The following GRID2 variants were observed in gnomAD, a reference collection of about 807,000 sequenced individuals.
GRID2 encodes the protein glutamate ionotropic receptor delta type subunit 2, also known as glutamate receptor ionotropic, delta-2.
GRID2 carries 33 observed loss-of-function variants against 114.8 expected under a neutral mutation model. That is an observed-to-expected ratio of 0.29 (90% CI 0.22 to 0.38). The LOEUF (loss-of-function observed/expected upper bound fraction) is 0.38. GRID2 is among the 10% of genes least tolerant of loss of function. GRID2 has a pLI of 1.00. For synonymous variants in GRID2, 505 were observed against 449.9 expected, an observed-to-expected ratio of 1.12 and a Z score of -1.55; for missense variants, 1,184 against 1,257.7, an observed-to-expected ratio of 0.94 and a Z score of 0.89.
intron 2 of GRID2, among the ~76,000 whole-genome samples, chr4:92,952,472 G>T (rs1287794201): frequency 6.6e-6 from 1 of 152,102 alleles, no homozygotes; most frequent in East Asian, 1.9e-4. Flanking sequence ...AACTCAGATT[G>T]TTTTTGCAGA....
At chr4:92,761,195 T>A (rs1433086150) in intron 2 of GRID2, among the ~76,000 whole-genome samples, 1 of 152,020 alleles carries the variant, frequency 6.6e-6, no homozygotes, top group Non-Finnish European at 1.5e-5. Context: ...AAAAAAAAAA[T>A]CACATTATTC....
At chr4:92,871,126 A>G (rs1450113773) in intron 2 of GRID2, among the ~76,000 whole-genome samples, 2 of 152,206 alleles carry the variant, frequency 1.3e-5, no homozygotes, top group South Asian at 2.1e-4. Flanking sequence ...ATATACAGAT[A>G]GATAGAAACA....
At chr4:92,862,749 A>G (rs780531928) in intron 2 of GRID2, among the ~76,000 whole-genome samples, 2 of 152,088 alleles carry the variant, frequency 1.3e-5, no homozygotes, top group African/African-American at 4.8e-5. Flanking sequence ...TACATTTTTT[A>G]TAACTAAATG....
At chr4:92,608,767 T>C (rs1201268736) in intron 2 of GRID2, among the ~76,000 whole-genome samples, 1 of 151,828 alleles carries the variant, frequency 6.6e-6, no homozygotes. Flanking sequence ...TGTTTTAACA[T>C]AAGTATTTTT....
chr4:92,348,966 C>T (rs1415173472), intron 1 of GRID2, among the ~76,000 whole-genome samples: 3 of 151,312 alleles, frequency 2.0e-5, no homozygotes, highest in Non-Finnish European at 2.9e-5. Context: ...GAAAATGCAA[C>T]ATGTATTAAT....
intron 8 of GRID2, among the ~76,000 whole-genome samples, chr4:93,241,108 A>G (rs1362416928): frequency 4.0e-5 from 6 of 151,566 alleles, no homozygotes; most frequent in African/African-American, 1.5e-4. Context: ...TATATTGCTG[A>G]GTGGTATTAT....
chr4:92,712,091 T>C (rs1735283070), intron 2 of GRID2, among the ~76,000 whole-genome samples: 1 of 152,114 alleles, frequency 6.6e-6, no homozygotes, highest in African/African-American at 2.4e-5. Context: ...TAGTCTACCA[T>C]ACTAATCTGA....
At chr4:92,809,914 G>A (rs1024752150) in intron 2 of GRID2, among the ~76,000 whole-genome samples, 7 of 151,846 alleles carry the variant, frequency 4.6e-5, no homozygotes, top group Middle Eastern at 3.2e-3. Flanking sequence ...TCCTGTTAAT[G>A]TCTGACCTGA....
In GRID2 at chr4:93,085,110, G is replaced by C; in HGVS notation, c.360G>C (p.Gln120His). Residue 120 changes from glutamine (Q) to histidine (H), a missense_variant, in exon 3 of 16, where the codon CAG becomes CAC. Gln to His is a conservative substitution (Grantham distance 24). Coordinates refer to ENST00000282020, the MANE Select transcript of GRID2 (RefSeq NM_001510.4). Reference protein sequence around the residue: ...DAMHIPHLFIQRSTAGTPRSG... With the variant: ...DAMHIPHLFIHRSTAGTPRSG... ...TGCATATCCCCCACCTCTTCATTCAGCGCTCAACAGCTGGGACCCCAAGGA... is the reference window on the plus strand; with the variant it reads ...TGCATATCCCCCACCTCTTCATTCACCGCTCAACAGCTGGGACCCCAAGGA... 6.2e-7 allele frequency: 1 copy of C among 1,614,102 alleles called. No individual in the cohort carries two copies. The highest frequency in any genetic ancestry group is 8.5e-7 in the Non-Finnish European group (1 of 1,180,012).
chr4:93,688,376 A>G (rs1008403076), intron 14 of GRID2, among the ~76,000 whole-genome samples: 2 of 151,904 alleles, frequency 1.3e-5, no homozygotes, highest in Non-Finnish European at 2.9e-5. Flanking sequence ...GAATTAATTA[A>G]CAATGCTATA....
intron 14 of GRID2, among the ~76,000 whole-genome samples, chr4:93,661,220 G>A (rs983237640): frequency 6.6e-6 from 1 of 152,154 alleles, no homozygotes; most frequent in Admixed American, 6.5e-5. Flanking sequence ...TGTTTTCATG[G>A]TCATTTGCAG....
At chr4:93,379,956 C>T (rs1034084523) in intron 8 of GRID2, among the ~76,000 whole-genome samples, 10 of 151,948 alleles carry the variant, frequency 6.6e-5, no homozygotes, top group Admixed American at 2.0e-4. Flanking sequence ...CTTAACAGAC[C>T]TCATAAAAAG....
chr4:93,079,378 G>A lies in GRID2; in HGVS notation c.245-5617G>A, dbSNP rs551666224. ...ATTTTTTAAAAGAGAATACTATTAG[G>A]GATTCTTCTTCTTTCTTTTCTTTTT... On this transcript the variant is annotated intron_variant, in intron 2 of 15. Transcript: ENST00000282020. Among the ~76,000 whole-genome samples, 6 of 151,220 alleles carry A rather than the reference G, an allele frequency of 4.0e-5. No individual in the cohort carries two copies. The South Asian group carries it at 1.3e-3, about 32-fold the overall frequency.
chr4:92,953,524 ATAT>A (rs1460677821), intron 2 of GRID2, among the ~76,000 whole-genome samples: 1 of 152,136 alleles, frequency 6.6e-6, no homozygotes, highest in East Asian at 1.9e-4. Flanking sequence ...ACATATTTTA[ATAT>A]TATATTTTCT....
intron 3 of GRID2, among the ~76,000 whole-genome samples, chr4:93,093,430 G>A (rs761729735): frequency 3.3e-4 from 50 of 151,990 alleles, no homozygotes; most frequent in Non-Finnish European, 6.8e-4. Context: ...CCAACATAGC[G>A]ATAGGGATCT....
At chr4:93,009,594 T>C (rs1216653192) in intron 2 of GRID2, among the ~76,000 whole-genome samples, 1 of 152,124 alleles carries the variant, frequency 6.6e-6, no homozygotes, top group Non-Finnish European at 1.5e-5. Context: ...AAATCTCCTA[T>C]TTATTCTAAC....
chr4:93,147,297 G>A (rs1295767226), intron 4 of GRID2, among the ~76,000 whole-genome samples: 1 of 152,104 alleles, frequency 6.6e-6, no homozygotes, highest in Non-Finnish European at 1.5e-5. Context: ...AAATCAACAA[G>A]TGAGTTGTAG....
rs1447044796 is a variant in GRID2, at chr4:93,643,872, C to G, written c.2360+17437C>G. The stretch of plus-strand genomic sequence containing the variant: ...CGAGCTTCCAGGCTGCTTTGTTTAC[C>G]TAAGCAAGCCTGGGCAATGGCGGGC... On this transcript the variant is annotated intron_variant, in intron 14 of 15. Transcript: ENST00000282020. 6.3e-5 allele frequency among the ~76,000 whole-genome samples: 6 copies of G among 95,078 alleles called. 1 individual carries two copies. The highest frequency in any genetic ancestry group is 1.0e-4 in the Non-Finnish European group (5 of 49,318). The allele number at this position is 95,078 out of a possible 152,430, so 62.4% of individuals were successfully genotyped here.
At chr4:92,496,445 T>G (rs1723393642) in intron 1 of GRID2, among the ~76,000 whole-genome samples, 1 of 151,844 alleles carries the variant, frequency 6.6e-6, no homozygotes, top group Admixed American at 6.6e-5. Flanking sequence ...GAACTTGCCT[T>G]TTGCCAACAG....
Sources: allele counts gnomAD v4.1 joint callset (sites outside exome capture counted in the v4.1 genomes callset), GRCh38; gene constraint gnomAD v4.1.1; transcripts MANE v1.5; gene names NCBI Gene and HGNC (gene_info 2026-07-23, HGNC 2026-07-21).